Variants in FRMD4A observed in about 807,000 individuals in gnomAD.
FRMD4A encodes the protein FERM domain-containing protein 4A.
In FRMD4A, 29 loss-of-function variants were observed where a neutral mutation model predicts 129.1. The ratio of observed to expected loss-of-function variants is 0.22; its 90% CI spans 0.17 to 0.31. The LOEUF (loss-of-function observed/expected upper bound fraction) is 0.31. FRMD4A is among the 10% of genes least tolerant of loss of function. The pLI is 1.00. For synonymous variants in FRMD4A, 634 were observed against 571.6 expected (o/e 1.11, Z -1.56); for missense variants, 1,272 against 1,375.8 (o/e 0.92, Z 1.19).
At chr10:13,779,273 G>C (rs1031288844) in intron 6 of FRMD4A, among the ~76,000 whole-genome samples, 1 of 151,176 alleles carries the variant, frequency 6.6e-6, no homozygotes, top group Non-Finnish European at 1.5e-5. Context: ...CCGAGATTAT[G>C]CCATTACACT....
intron 2 of FRMD4A, among the ~76,000 whole-genome samples, chr10:14,058,512 G>T (rs1389504985): frequency 6.6e-6 from 1 of 152,110 alleles, no homozygotes; most frequent in African/African-American, 2.4e-5. Context: ...TCATATGCAA[G>T]ACTCCATTTT....
intron 2 of FRMD4A, among the ~76,000 whole-genome samples, chr10:14,128,027 C>T (rs1303435647): frequency 6.7e-5 from 9 of 133,440 alleles, no homozygotes; most frequent in African/African-American, 2.7e-4. Context: ...TTCCTTCCTT[C>T]CTTCCTTCCT....
intron 12 of FRMD4A, among the ~76,000 whole-genome samples, chr10:13,734,421 A>C (rs149593160): frequency 3.9e-5 from 6 of 152,294 alleles, no homozygotes; most frequent in African/African-American, 1.2e-4. Flanking sequence ...CTCTTCGCAG[A>C]GCCTTCAAGC....
At chr10:14,172,134 T>G (rs1841508980) in intron 2 of FRMD4A, among the ~76,000 whole-genome samples, 1 of 152,134 alleles carries the variant, frequency 6.6e-6, no homozygotes, top group African/African-American at 2.4e-5. Context: ...ATTTTCAATA[T>G]GGAAATATCC....
intron 3 of FRMD4A, among the ~76,000 whole-genome samples, chr10:13,833,938 C>T (rs2093831048): frequency 6.6e-6 from 1 of 152,014 alleles, no homozygotes; most frequent in Non-Finnish European, 1.5e-5. Flanking sequence ...TGTCCTCCTC[C>T]TTGGGAATGT....
intron 2 of FRMD4A, among the ~76,000 whole-genome samples, chr10:14,272,455 T>C (rs890617716): frequency 6.6e-6 from 1 of 152,182 alleles, no homozygotes; most frequent in Non-Finnish European, 1.5e-5. Flanking sequence ...TTGTGAAAGA[T>C]GACGAAATGG....
chr10:14,317,757 A>G (rs1846797222), intron 2 of FRMD4A, among the ~76,000 whole-genome samples: 1 of 3,638 alleles, frequency 2.7e-4, no homozygotes, highest in Non-Finnish European at 8.3e-4. Flanking sequence ...CAAGAGACGG[A>G]AAAAAAAAAA....
intron 15 of FRMD4A, among the ~76,000 whole-genome samples, chr10:13,676,603 G>A (rs1318202023): frequency 6.6e-6 from 1 of 152,092 alleles, no homozygotes; most frequent in South Asian, 2.1e-4. Context: ...CAAGCCCATC[G>A]TGAGCAGAAG....
At chr10:14,011,709 A>G (rs551820580) in intron 2 of FRMD4A, among the ~76,000 whole-genome samples, 7 of 152,280 alleles carry the variant, frequency 4.6e-5, no homozygotes, top group African/African-American at 1.7e-4. Context: ...GGGTGAACTG[A>G]AAAGAACAGC....
intron 6 of FRMD4A, among the ~76,000 whole-genome samples, chr10:13,780,864 G>T (rs2092715298): frequency 2.0e-5 from 3 of 152,116 alleles, no homozygotes. Flanking sequence ...TGGGAATAGG[G>T]TCTCGAGGAG....
chr10:13,905,958 C>T (rs546729984), intron 2 of FRMD4A, among the ~76,000 whole-genome samples: 11 of 152,328 alleles, frequency 7.2e-5, no homozygotes, highest in African/African-American at 2.2e-4. Context: ...AGCCACAGAA[C>T]ATTTCTGCCA....
intron 1 of FRMD4A, 109 bp downstream of exon 1, chr10:14,330,488 T>C (rs771030845): frequency 2.4e-5 from 10 of 408,590 alleles, no homozygotes; most frequent in Non-Finnish European, 3.9e-5. Flanking sequence ...AACTGACAAT[T>C]AAAATAAAAC....
chr10:14,120,293 A>C (rs1341427492), intron 2 of FRMD4A, among the ~76,000 whole-genome samples: 1 of 149,088 alleles, frequency 6.7e-6, no homozygotes, highest in Non-Finnish European at 1.5e-5. Flanking sequence ...TGCCTAGTTT[A>C]TTTCTTTCTT....
At chr10:14,275,931 C>T (rs766941585) in intron 2 of FRMD4A, among the ~76,000 whole-genome samples, 6 of 152,158 alleles carry the variant, frequency 3.9e-5, no homozygotes. Flanking sequence ...CTCAGCTACT[C>T]AGGAGGCTGA....
intron 2 of FRMD4A, among the ~76,000 whole-genome samples, chr10:14,054,543 G>C (rs1275665900): frequency 6.6e-6 from 1 of 152,144 alleles, no homozygotes; most frequent in Non-Finnish European, 1.5e-5. Flanking sequence ...CCAAGCTAGA[G>C]TCTTCTACAC....
chr10:13,689,455 T>A (rs1385992782), intron 15 of FRMD4A, among the ~76,000 whole-genome samples: 1 of 151,236 alleles, frequency 6.6e-6, no homozygotes, highest in Non-Finnish European at 1.5e-5. Flanking sequence ...GCTTACAATA[T>A]AATTTGGGAA....
intron 21 of FRMD4A, among the ~76,000 whole-genome samples, chr10:13,658,132 T>TAAAAAAAAAAAA (rs565374030): frequency 1.2e-5 from 1 of 81,238 alleles, no homozygotes; most frequent in Non-Finnish European, 2.4e-5. Context: ...CTGTCTCTCT[T>TAAAAAAAAAAAA]AAAAAAAAAA....
At chr10:13,946,356 G>A (rs2095331542) in intron 2 of FRMD4A, among the ~76,000 whole-genome samples, 1 of 152,188 alleles carries the variant, frequency 6.6e-6, no homozygotes, top group Non-Finnish European at 1.5e-5. Flanking sequence ...CAGCCATATT[G>A]TCAACCAAGT....
intron 14 of FRMD4A, among the ~76,000 whole-genome samples, chr10:13,698,967 G>C (rs1247203680): frequency 6.7e-6 from 1 of 149,928 alleles, no homozygotes; most frequent in Non-Finnish European, 1.5e-5. Context: ...TTTTACAAAA[G>C]GGACAGCTGA....
Sources: gnomAD v4.1 joint callset for allele counts (sites outside exome capture counted in the v4.1 genomes callset) on GRCh38, gnomAD v4.1.1 for gene constraint, MANE v1.5 for transcripts, NCBI Gene and HGNC (gene_info 2026-07-23, HGNC 2026-07-21) for gene names.